ERN1: variants seen among roughly 807,000 people sequenced by gnomAD.
The protein encoded by ERN1 is serine/threonine-protein kinase/endoribonuclease IRE1.
In ERN1, 39 loss-of-function variants were observed where a neutral mutation model predicts 113.1. The observed-to-expected ratio is 0.34, with a 90% CI of 0.27 to 0.45. ERN1 has a LOEUF of 0.45. Ranked by LOEUF, ERN1 falls within the 20% of genes least tolerant of loss-of-function variation. The probability of loss-of-function intolerance (pLI) is 1.00; values close to 1 mark genes in which losing one functional copy is unlikely to be tolerated. For synonymous variants in ERN1, 507 were observed against 515.9 expected (o/e 0.98, Z 0.23); for missense variants, 976 against 1,274.8 (o/e 0.77, Z 3.57).
Position 64,063,210 on chromosome 17 carries a change from G to A in ERN1, c.1087+776C>T, listed in dbSNP as rs1913107612. 2.0e-5 allele frequency among the ~76,000 whole-genome samples: 3 copies of A among 152,256 alleles called. No homozygotes were observed. The highest frequency in any genetic ancestry group is 2.0e-4 in the Admixed American group (3 of 15,290). Reference sequence around the variant, plus strand: ...TGCTCTGCCCCTACTGGGGCTGGGAGGTGGCAGAACAGTGAGGGATGGGGC... The same window carrying A: ...TGCTCTGCCCCTACTGGGGCTGGGAAGTGGCAGAACAGTGAGGGATGGGGC... On this transcript the variant is annotated intron_variant, in intron 10 of 21. Transcript: ENST00000433197. The surrounding 1 kb of genome is among the most constrained non-coding windows in gnomAD (Gnocchi z 5.1).
At chr17:64,076,654 C>G (rs1252419794) in intron 4 of ERN1, among the ~76,000 whole-genome samples, 2 of 150,824 alleles carry the variant, frequency 1.3e-5, no homozygotes, top group Non-Finnish European at 2.9e-5. Context: ...GGCTGAAGTG[C>G]AGTGGCGTGA....
At position 64,049,947 on chromosome 17, in the gene ERN1, G is replaced by A. The variant is rs1397436877; in HGVS notation, c.2254-745C>T. Among the ~76,000 whole-genome samples, 1 of 152,158 alleles carries A rather than the reference G, an allele frequency of 6.6e-6. No individual in the cohort carries two copies. Among genetic ancestry groups the A allele is most frequent in the African/African-American group, 2.4e-5 (1 of 41,430 alleles). On this transcript the variant is annotated intron_variant, in intron 17 of 21. Coordinates refer to ENST00000433197, the MANE Select transcript of ERN1 (RefSeq NM_001433.5). The surrounding 1 kb of genome is among the most constrained non-coding windows in gnomAD (Gnocchi z 4.7). ...TGAGATTCTCCACCAGGTGAAGTGAGGGTCTAGTGTGAGGAAGCAGGGGCT... is the reference window on the plus strand; with the variant it reads ...TGAGATTCTCCACCAGGTGAAGTGAAGGTCTAGTGTGAGGAAGCAGGGGCT...
intron 1 of ERN1, among the ~76,000 whole-genome samples, chr17:64,112,429 T>C (rs1041868822): frequency 3.9e-5 from 6 of 152,030 alleles, no homozygotes; most frequent in African/African-American, 1.2e-4. Context: ...AGGTTGTCAG[T>C]AAACATTACT....
intron 1 of ERN1, among the ~76,000 whole-genome samples, chr17:64,114,566 T>G (rs1914756136): frequency 1.3e-5 from 2 of 152,186 alleles, no homozygotes; most frequent in African/African-American, 4.8e-5. Context: ...AGAGGGGATA[T>G]GGGACACGGT....
At chr17:64,050,595 T>C (rs965751279) in intron 17 of ERN1, among the ~76,000 whole-genome samples, 2 of 152,134 alleles carry the variant, frequency 1.3e-5, no homozygotes, top group African/African-American at 4.8e-5. Context: ...ACCAGGCTTC[T>C]GCTCTCAAAT....
At chr17:64,048,071 C>T in intron 18 of ERN1, 86 bp from the exon 19 acceptor site, 1 of 1,165,638 alleles carries the variant, frequency 8.6e-7, no homozygotes, top group Non-Finnish European at 1.2e-6. Flanking sequence ...TGCACACCCT[C>T]TCATTTATGA....
intron 20 of ERN1, 124 bp downstream of exon 20, chr17:64,045,235 T>G: frequency 8.9e-7 from 1 of 1,128,114 alleles, no homozygotes. Context: ...CCCAAGAAAG[T>G]CTCAAACCTG....
chr17:64,126,444 T>C (rs1915083112), intron 1 of ERN1, among the ~76,000 whole-genome samples: 1 of 152,108 alleles, frequency 6.6e-6, no homozygotes, highest in Non-Finnish European at 1.5e-5. Context: ...CTCAGACCTA[T>C]GCAAGTGACA....
intron 1 of ERN1, among the ~76,000 whole-genome samples, chr17:64,098,718 A>C (rs1483925825): frequency 6.6e-6 from 1 of 152,216 alleles, no homozygotes; most frequent in African/African-American, 2.4e-5. Context: ...TCATTATACA[A>C]AGAATTTATA....
intron 7 of ERN1, chr17:64,067,940 C>T (rs1043807993): frequency 3.0e-5 from 13 of 428,792 alleles, no homozygotes; most frequent in Non-Finnish European, 4.3e-5. Context: ...AAAGACTCAA[C>T]GAGGGATGTC....
In ERN1 at chr17:64,043,588, G is replaced by C. The variant is rs1054450803; in HGVS notation, c.*400C>G. On this transcript the variant is annotated 3_prime_UTR_variant, in exon 22 of 22. Coordinates refer to ENST00000433197, the MANE Select transcript of ERN1 (RefSeq NM_001433.5). Reference sequence around the variant, plus strand: ...GCTGTACTTGGTGCATCTCAGCCTAGCTGTCCCAGCACGCAAGCAAAATGT... The same window carrying C: ...GCTGTACTTGGTGCATCTCAGCCTACCTGTCCCAGCACGCAAGCAAAATGT... 6.1e-6 allele frequency: 1 copy of C among 163,508 alleles called. No individual in the cohort carries two copies. The highest frequency in any genetic ancestry group is 2.4e-5 in the African/African-American group (1 of 41,916). The allele number at this position is 163,508 out of a possible 1,614,324, so 10.1% of individuals were successfully genotyped here. A position where few individuals can be genotyped will look rare whatever the true frequency, so the allele number is the denominator to read the frequency against.
chr17:64,122,993 C>A (rs535136873), intron 1 of ERN1, among the ~76,000 whole-genome samples: 1 of 152,096 alleles, frequency 6.6e-6, no homozygotes, highest in Admixed American at 6.5e-5. Context: ...AATAAAACAC[C>A]ACAGATATTA....
chr17:64,090,081 C>T (rs1003204761), intron 2 of ERN1, among the ~76,000 whole-genome samples: 1 of 152,176 alleles, frequency 6.6e-6, no homozygotes, highest in Non-Finnish European at 1.5e-5. Flanking sequence ...CTTCATTAAC[C>T]TAAGCCATAA....
rs1036244541 is a variant in ERN1 at position 64,077,983 on chromosome 17, T to G, written c.282+1679A>C. ...CTCCTGACCTCGTGATCCGCCCACC[T>G]TGGCCTCCCAAAGTGCTGGGATTAC... On this transcript the variant is annotated intron_variant, in intron 4 of 21. Coordinates refer to ENST00000433197, the MANE Select transcript of ERN1 (RefSeq NM_001433.5). Among the ~76,000 whole-genome samples the G allele has an allele frequency of 3.3e-5, 5 of 152,332 alleles. No homozygotes were observed. In the South Asian group the frequency reaches 1.0e-3, roughly 32 times the overall value.
intron 1 of ERN1, among the ~76,000 whole-genome samples, chr17:64,108,978 G>C (rs1914603595): frequency 6.6e-6 from 1 of 152,110 alleles, no homozygotes; most frequent in Non-Finnish European, 1.5e-5. Context: ...CAAAAAATTA[G>C]CTGGGCGTGG....
Position 64,063,924 on chromosome 17 carries a change from C to A in ERN1, c.1087+62G>T. ...AGTACGGTGTAACTACCAGGGCCGG[C>A]GGTCGCCCACCAGGAGGCAGCACGC... On this transcript the variant is annotated intron_variant, in intron 10 of 21. Coordinates refer to ENST00000433197, the MANE Select transcript of ERN1 (RefSeq NM_001433.5). The surrounding 1 kb of genome is among the most constrained non-coding windows in gnomAD (Gnocchi z 5.1). 1 of 1,526,046 alleles carries A rather than the reference C, an allele frequency of 6.6e-7. No individual in the cohort carries two copies. The allele number at this position is 1,526,046 out of a possible 1,614,324, so 94.5% of individuals were successfully genotyped here. A position where few individuals can be genotyped will look rare whatever the true frequency, so the allele number is the denominator to read the frequency against.
At chr17:64,064,352 C>T (rs189177189) in intron 9 of ERN1, among the ~76,000 whole-genome samples, 8 of 152,308 alleles carry the variant, frequency 5.3e-5, no homozygotes, top group East Asian at 1.9e-4. Flanking sequence ...TCTTTATGGA[C>T]GTCTTTTTAG....
At chr17:64,100,393 C>T (rs1049482069) in intron 1 of ERN1, among the ~76,000 whole-genome samples, 1 of 152,120 alleles carries the variant, frequency 6.6e-6, no homozygotes, top group Non-Finnish European at 1.5e-5. Flanking sequence ...TCCTCCACCC[C>T]CCAAAGTTAC....
chr17:64,054,455 T>G lies in ERN1; in HGVS notation c.1764-16A>C. ...AAACATGCCCCTGCGGGATGAGGAG[T>G]GGGAGTTGTGTCTGGGAAGCACGAG... On this transcript the variant is annotated splice_polypyrimidine_tract_variant and intron_variant, in intron 14 of 21. Transcript: ENST00000433197. This position sits in a 1 kb window ranked among gnomAD's most constrained non-coding sequence, Gnocchi z 4.9. 1 of 1,547,430 alleles carries G rather than the reference T, an allele frequency of 6.5e-7. No homozygotes were observed. The highest frequency in any genetic ancestry group is 8.7e-7 in the Non-Finnish European group (1 of 1,143,552).
Sources: gnomAD v4.1 joint callset for allele counts (sites outside exome capture counted in the v4.1 genomes callset) on GRCh38, gnomAD v4.1.1 for gene constraint, Gnocchi (gnomAD v3.1) non-coding constraint, MANE v1.5 for transcripts, NCBI Gene and HGNC (gene_info 2026-07-23, HGNC 2026-07-21) for gene names.